Variants in SLC9B1 observed in about 807,000 individuals in gnomAD.
The protein encoded by SLC9B1 is solute carrier family 9 member B1.
A neutral mutation model predicts 51.7 loss-of-function variants in SLC9B1; 32 were observed. That is an observed-to-expected ratio of 0.62 (90% CI 0.47 to 0.83). SLC9B1 has a LOEUF of 0.83. SLC9B1 is among the 40% of genes least tolerant of loss of function. SLC9B1 has a pLI of 0.00. For synonymous variants in SLC9B1, 145 were observed against 212.7 expected (o/e 0.68, Z 2.77); for missense variants, 406 against 613.2 (o/e 0.66, Z 3.57).
rs551208186 is a variant in SLC9B1, at chr4:102,932,300, C to T, written c.654-1G>A. On this transcript the variant is annotated splice_acceptor_variant, in intron 6 of 11. Transcript: ENST00000296422. LOFTEE classifies it high-confidence loss of function. ...AGGAGAGACAGCACCTAGAACAAAA[C>T]TGAAAGAAAGAATGAAAATTAATTT... 1 of 1,608,080 alleles carries T rather than the reference C, an allele frequency of 6.2e-7. No homozygotes were observed. The highest frequency in any genetic ancestry group is 1.1e-5 in the South Asian group (1 of 90,394).
At chr4:102,922,531 G>A (rs531922634) in intron 7 of SLC9B1, among the ~76,000 whole-genome samples, 4 of 152,232 alleles carry the variant, frequency 2.6e-5, no homozygotes, top group South Asian at 4.1e-4. Flanking sequence ...ACATTCAAAA[G>A]CCAGCAGAAG....
At position 102,928,090 on chromosome 4, in the gene SLC9B1, G is replaced by A. The variant is rs539829563; in HGVS notation, c.829+4034C>T. Reference sequence around the variant, plus strand: ...GGGGCCTGTCGGGGGGTGGAGGGCTGGGGGAGGGAGAGCATTAGGAGAAAT... The same window carrying A: ...GGGGCCTGTCGGGGGGTGGAGGGCTAGGGGAGGGAGAGCATTAGGAGAAAT... On this transcript the variant is annotated intron_variant, in intron 7 of 11. Transcript: ENST00000296422. Among the ~76,000 whole-genome samples, 206 of 152,070 alleles carry A rather than the reference G, an allele frequency of 1.4e-3. 1 individual carries two copies. The Middle Eastern group carries it at 0.017, about 13-fold the overall frequency.
Position 102,906,631 on chromosome 4 carries a change from T to A in SLC9B1, c.1100A>T (p.Lys367Met), listed in dbSNP as rs1227517602. ...KWSQEKMKVQKIITTVWDIFQ... is the reference protein window; with the variant it reads ...KWSQEKMKVQMIITTVWDIFQ... ...AATATCCCATACAGTCGTAATAATC[T>A]TTTGGACTTTCATCTATAGAAAAGA... The change falls in exon 10 of 12, where the codon AAG becomes ATG. Residue 367 changes from lysine (K) to methionine (M), a missense_variant. This residue lies in a region of SLC9B1 where 250 missense variants were observed against 394.1 expected (regional missense o/e 0.63). Coordinates refer to ENST00000296422, the MANE Select transcript of SLC9B1 (RefSeq NM_139173.4). 6.4e-7 allele frequency: 1 copy of A among 1,573,036 alleles called. No homozygotes were observed. Among genetic ancestry groups the A allele is most frequent in the Non-Finnish European group, 8.6e-7 (1 of 1,161,998 alleles).
At chr4:102,941,384 T>C (rs1375323210) in intron 6 of SLC9B1, 3 of 442,032 alleles carry the variant, frequency 6.8e-6, no homozygotes, top group African/African-American at 2.0e-5. Context: ...TCAACAAGTA[T>C]ATGGAAAAAT....
chr4:103,004,163 AC>A (rs1213132401), intron 1 of SLC9B1, among the ~76,000 whole-genome samples: 4 of 152,174 alleles, frequency 2.6e-5, no homozygotes, highest in African/African-American at 9.7e-5. Flanking sequence ...AGAAAGTTGA[AC>A]CCCAATGCAA....
At chr4:102,902,922 C>T (rs1252691223) in intron 11 of SLC9B1, among the ~76,000 whole-genome samples, 1 of 152,122 alleles carries the variant, frequency 6.6e-6, no homozygotes, top group East Asian at 1.9e-4. Context: ...CAGCAGAGAA[C>T]GGTGGAAGAG....
At chr4:102,950,769 G>A (rs1737511898) in intron 3 of SLC9B1, among the ~76,000 whole-genome samples, 1 of 152,154 alleles carries the variant, frequency 6.6e-6, no homozygotes, top group Non-Finnish European at 1.5e-5. Flanking sequence ...TGAGGCAGGT[G>A]GATCACCTGA....
chr4:102,932,248 C>T lies in SLC9B1; in HGVS notation c.705G>A (p.Val235=). 6.2e-7 allele frequency: 1 copy of T among 1,611,822 alleles called. No homozygotes were observed. The highest frequency in any genetic ancestry group is 8.5e-7 in the Non-Finnish European group (1 of 1,179,796). Residue 235 remains valine (V), a synonymous_variant, in exon 7 of 12, where the codon GTG becomes GTA. Coordinates refer to ENST00000296422, the MANE Select transcript of SLC9B1 (RefSeq NM_139173.4). The part of the protein sequence containing the change: ...SPAVVVPYMM[V]LQENGYGVEE... ...CAACACCATATCCATTTTCTTGCAGCACCATCATGTAAGGGACAACAACAG... is the reference window on the plus strand; with the variant it reads ...CAACACCATATCCATTTTCTTGCAGTACCATCATGTAAGGGACAACAACAG...
chr4:103,013,778 T>G (rs545794483), intron 1 of SLC9B1, among the ~76,000 whole-genome samples: 47 of 152,364 alleles, frequency 3.1e-4, no homozygotes, highest in African/African-American at 9.9e-4. Flanking sequence ...TCTTTCTCGC[T>G]GCTTTTCTTT....
At chr4:102,909,036 G>T (rs1433055311) in intron 9 of SLC9B1, among the ~76,000 whole-genome samples, 1 of 152,240 alleles carries the variant, frequency 6.6e-6, no homozygotes, top group Non-Finnish European at 1.5e-5. Flanking sequence ...ATAGTAAAAA[G>T]AATAGAACTA....
intron 2 of SLC9B1, 23 bp downstream of exon 2, chr4:102,991,620 A>G: frequency 4.1e-6 from 6 of 1,476,586 alleles, no homozygotes; most frequent in Non-Finnish European, 5.6e-6. Flanking sequence ...ATCATATATT[A>G]CAGTATACTT....
chr4:102,919,862 C>T (rs1735777450), intron 7 of SLC9B1, among the ~76,000 whole-genome samples: 1 of 152,228 alleles, frequency 6.6e-6, no homozygotes, highest in African/African-American at 2.4e-5. Context: ...GGAGGGCCGT[C>T]CACCATTGCT....
At chr4:102,984,093 T>G (rs928503439) in intron 3 of SLC9B1, among the ~76,000 whole-genome samples, 1 of 152,056 alleles carries the variant, frequency 6.6e-6, no homozygotes. Flanking sequence ...TTTCATTTTG[T>G]TCAAAGTACT....
intron 3 of SLC9B1, among the ~76,000 whole-genome samples, chr4:102,969,676 A>G (rs1311305452): frequency 6.6e-6 from 1 of 152,090 alleles, no homozygotes; most frequent in African/African-American, 2.4e-5. Flanking sequence ...AAGGTCAGTA[A>G]TAACAAACTT....
At chr4:102,906,392 A>G (rs1735056242) in intron 10 of SLC9B1, 144 bp downstream of exon 10, 4 of 471,628 alleles carry the variant, frequency 8.5e-6, no homozygotes, top group African/African-American at 2.0e-5. Context: ...AGGAAGAGCA[A>G]TATGAAAATA....
intron 3 of SLC9B1, among the ~76,000 whole-genome samples, chr4:102,976,615 G>GA (rs35395308): frequency 6.6e-6 from 1 of 152,020 alleles, no homozygotes; most frequent in South Asian, 2.1e-4. Flanking sequence ...GGAAAATCTG[G>GA]AAAAAAATCA....
chr4:102,958,557 GA>G (rs1560951786), intron 3 of SLC9B1, among the ~76,000 whole-genome samples: 1 of 152,086 alleles, frequency 6.6e-6, no homozygotes, highest in East Asian at 1.9e-4. Context: ...AGGCAAAGGT[GA>G]GAGGACTGAT....
chr4:103,014,513 G>A (rs563064136), intron 1 of SLC9B1, among the ~76,000 whole-genome samples: 5 of 152,176 alleles, frequency 3.3e-5, no homozygotes, highest in South Asian at 2.1e-4. Flanking sequence ...GTAGAAGCAC[G>A]TTTAGGATGT....
intron 6 of SLC9B1, among the ~76,000 whole-genome samples, chr4:102,943,172 A>AT (rs1203427593): frequency 2.0e-5 from 3 of 151,934 alleles, no homozygotes; most frequent in East Asian, 1.9e-4. Flanking sequence ...AAAATAAAAA[A>AT]AAAAAATAGA....
Sources: allele counts gnomAD v4.1 joint callset (sites outside exome capture counted in the v4.1 genomes callset), GRCh38; gene constraint gnomAD v4.1.1; regional missense constraint gnomAD v4.1.1; transcripts MANE v1.5; gene names NCBI Gene and HGNC (gene_info 2026-07-23, HGNC 2026-07-21).